The following ESYT2 variants were observed in gnomAD, a reference collection of about 807,000 sequenced individuals.
The protein encoded by ESYT2 is extended synaptotagmin 2.
In ESYT2, 54 loss-of-function variants were observed where a neutral mutation model predicts 107.2. The ratio of observed to expected loss-of-function variants is 0.50; its 90% CI spans 0.40 to 0.63. The LOEUF is 0.63. ESYT2 is among the 30% of genes least tolerant of loss of function. The pLI is 0.00. For synonymous variants in ESYT2, 491 were observed against 434.1 expected (o/e 1.13, Z -1.63); for missense variants, 1,020 against 1,094.5 (o/e 0.93, Z 0.96).
chr7:158,740,990 C>T (rs867157774), intron 18 of ESYT2, among the ~76,000 whole-genome samples: 1 of 152,124 alleles, frequency 6.6e-6, no homozygotes, highest in South Asian at 2.1e-4. Context: ...CTACAGACAA[C>T]TTTTTCCTCC....
intron 16 of ESYT2, among the ~76,000 whole-genome samples, chr7:158,747,120 CG>C (rs1426179863): frequency 6.6e-6 from 1 of 151,958 alleles, no homozygotes; most frequent in Non-Finnish European, 1.5e-5. Flanking sequence ...CCACAGTGGG[CG>C]GATCAGCTGA....
chr7:158,741,663 G>A lies in ESYT2; in HGVS notation c.2028C>T (p.His676=), dbSNP rs368676835. The part of the protein sequence containing the change: ...QPPEAGPQGL[H]DLGRSSSSLL... ...GGCTGGAGGAGCTTCTGCCCAGGTC[G>A]TGCAGCCCCTGAGGGCCGGCCTCAG... The change falls in exon 18 of 23, where the codon CAC becomes CAT. Residue 676 remains histidine (H), a synonymous_variant. Transcript: ENST00000275418. 1.4e-5 allele frequency: 23 copies of A among 1,613,764 alleles called. No individual in the cohort carries two copies. Among genetic ancestry groups the A allele is most frequent in the South Asian group, 2.2e-5 (2 of 91,080 alleles).
chr7:158,798,150 C>A (rs571469827), intron 2 of ESYT2, 74 bp from the exon 3 acceptor site: 2 of 1,525,700 alleles, frequency 1.3e-6, no homozygotes, highest in Admixed American at 1.8e-5. Context: ...TCGTGAGAAA[C>A]CCTCGCAACA....
chr7:158,803,754 C>T lies in ESYT2; in HGVS notation c.331-4682G>A, dbSNP rs111778528. Among the ~76,000 whole-genome samples the T allele has an allele frequency of 4.8e-3, 734 of 151,474 alleles. 5 individuals carry two copies. Among genetic ancestry groups the T allele is most frequent in the African/African-American group, 0.017 (702 of 41,042 alleles). On this transcript the variant is annotated intron_variant, in intron 1 of 22. Coordinates refer to ENST00000275418, the MANE Select transcript of ESYT2 (RefSeq NM_001367773.1). Reference sequence around the variant, plus strand: ...TTGGGGACTGCTGAGAAAGGTGAGGCGCGCGACAAACCCAAACCGCCGAGA... The same window carrying T: ...TTGGGGACTGCTGAGAAAGGTGAGGTGCGCGACAAACCCAAACCGCCGAGA...
At chr7:158,811,435 C>G (rs1328089955) in intron 1 of ESYT2, among the ~76,000 whole-genome samples, 1 of 152,194 alleles carries the variant, frequency 6.6e-6, no homozygotes, top group Non-Finnish European at 1.5e-5. Flanking sequence ...AGGGGCAAAG[C>G]CATTCCATTG....
In ESYT2 at chr7:158,829,278, C is replaced by G. The variant is rs572180768; in HGVS notation, c.141G>C (p.Leu47=). Reference sequence around the variant, plus strand: ...GGTAGCCCAGCGCGTACACGGGCAGCAGCAGCGCGAAGCTCCGCGCCAGCT... The same window carrying G: ...GGTAGCCCAGCGCGTACACGGGCAGGAGCAGCGCGAAGCTCCGCGCCAGCT... ...LAQLARSFAL[L]LPVYALGYLG... The change falls in exon 1 of 23, where the codon CTG becomes CTC. Residue 47 remains leucine, a synonymous_variant. Transcript: ENST00000275418. The G allele has an allele frequency of 6.1e-5, 92 of 1,518,646 alleles. 2 individuals are homozygous for G. In the South Asian group the frequency reaches 1.0e-3, roughly 17 times the overall value. The allele number at this position is 1,518,646 out of a possible 1,614,324, so 94.1% of individuals were successfully genotyped here.
In ESYT2 at chr7:158,788,417, A is replaced by C; in HGVS notation, c.585T>G (p.Ser195Arg). ...AATCAATCTCACAATTTCCTACAAAACTAACAAAAAATTCTGCATTACATG... is the reference window on the plus strand; with the variant it reads ...AATCAATCTCACAATTTCCTACAAACCTAACAAAAAATTCTGCATTACATG... ...KRQIILDLQI[S>R]FVGNCEIDLE... Residue 195 changes from serine to arginine, a missense_variant and splice_region_variant, in exon 5 of 23, where the codon AGT (serine) becomes AGG (arginine). Physicochemically the swap from Ser to Arg is moderately radical, Grantham distance 110. Transcript: ENST00000275418. 2 of 1,609,838 alleles carry C rather than the reference A, an allele frequency of 1.2e-6. No homozygotes were observed. Among genetic ancestry groups the C allele is most frequent in the Non-Finnish European group, 1.7e-6 (2 of 1,178,426 alleles).
chr7:158,808,795 C>A lies in ESYT2; in HGVS notation c.331-9723G>T, dbSNP rs1052887745. Among the ~76,000 whole-genome samples, 17 of 127,412 alleles carry A rather than the reference C, an allele frequency of 1.3e-4. No individual in the cohort carries two copies. The East Asian group carries it at 3.6e-3, about 27-fold the overall frequency. 83.6% of individuals were successfully genotyped at this position (127,412 alleles called of 152,430 possible). On this transcript the variant is annotated intron_variant, in intron 1 of 22. Coordinates refer to ENST00000275418, the MANE Select transcript of ESYT2 (RefSeq NM_001367773.1). ...GACCAGGCTGGCCAACATGCGAAATCCCATCTCTACTAAAAAAAAAAAAAA... is the reference window on the plus strand; with the variant it reads ...GACCAGGCTGGCCAACATGCGAAATACCATCTCTACTAAAAAAAAAAAAAA...
At chr7:158,741,185 G>A (rs761608618) in intron 18 of ESYT2, among the ~76,000 whole-genome samples, 2 of 152,174 alleles carry the variant, frequency 1.3e-5, no homozygotes, top group Non-Finnish European at 2.9e-5. Flanking sequence ...AGCGAGGCCC[G>A]CGGGCCAGCT....
chr7:158,775,597 C>T (rs989905440), intron 6 of ESYT2, among the ~76,000 whole-genome samples: 4 of 152,208 alleles, frequency 2.6e-5, no homozygotes, highest in Non-Finnish European at 5.9e-5. Flanking sequence ...CGTCCTTAAA[C>T]TTTGATCCTG....
intron 6 of ESYT2, among the ~76,000 whole-genome samples, chr7:158,783,803 G>C (rs1474230724): frequency 6.6e-6 from 1 of 152,238 alleles, no homozygotes; most frequent in Non-Finnish European, 1.5e-5. Flanking sequence ...CGACCCCAGG[G>C]AGGACACTTC....
At chr7:158,757,885 C>T (rs1204260539) in intron 13 of ESYT2, among the ~76,000 whole-genome samples, 2 of 152,152 alleles carry the variant, frequency 1.3e-5, no homozygotes, top group South Asian at 2.1e-4. Flanking sequence ...ATTCTCTCTA[C>T]CCTAAAATAG....
At chr7:158,734,287 T>C (rs761009592) in intron 22 of ESYT2, 35 bp from the exon 23 acceptor site, 2 of 1,614,014 alleles carry the variant, frequency 1.2e-6, no homozygotes, top group South Asian at 1.1e-5. Context: ...TGGTGACGGA[T>C]ACAGGACCAA....
intron 1 of ESYT2, among the ~76,000 whole-genome samples, chr7:158,801,475 T>C (rs1386958377): frequency 6.6e-6 from 1 of 152,186 alleles, no homozygotes. Flanking sequence ...AAAATCTGCT[T>C]CTCGCTAATA....
chr7:158,807,254 G>GAAAAAAAAAA (rs372309924), intron 1 of ESYT2, among the ~76,000 whole-genome samples: 1 of 117,230 alleles, frequency 8.5e-6, no homozygotes, highest in Non-Finnish European at 1.7e-5. Flanking sequence ...CCGTCTGAAG[G>GAAAAAAAAAA]AAAAAAAAAA....
intron 1 of ESYT2, among the ~76,000 whole-genome samples, chr7:158,804,262 C>T (rs1453005509): frequency 5.6e-5 from 3 of 53,126 alleles, no homozygotes; most frequent in African/African-American, 9.6e-5. Flanking sequence ...AAACCCAAAC[C>T]GCCGAGAAGG....
Position 158,806,380 on chromosome 7 carries a change from G to A in ESYT2, c.331-7308C>T, listed in dbSNP as rs568969325. Among the ~76,000 whole-genome samples the A allele has an allele frequency of 6.6e-5, 10 of 152,290 alleles. No homozygotes were observed. The South Asian group carries it at 2.1e-3, about 32-fold the overall frequency. ...CCAAGTCTTAAATTCCTAAGAGAAC[G>A]TACCCTGAATTTCATGTTATATCTG... On this transcript the variant is annotated intron_variant, in intron 1 of 22. Coordinates refer to ENST00000275418, the MANE Select transcript of ESYT2 (RefSeq NM_001367773.1).
chr7:158,736,230 C>CG (rs34437478), intron 20 of ESYT2, among the ~76,000 whole-genome samples: 36,042 of 152,102 alleles, frequency 0.24, 5,142 homozygotes, highest in East Asian at 0.59. Flanking sequence ...ACAACCTCAT[C>CG]GGGCTGATGC....
At chr7:158,757,012 C>T (rs149052338) in intron 13 of ESYT2, among the ~76,000 whole-genome samples, 1 of 149,152 alleles carries the variant, frequency 6.7e-6, no homozygotes, top group East Asian at 2.0e-4. Flanking sequence ...AGATGAACCA[C>T]AAGAAAATGA....
Sources: allele counts gnomAD v4.1 joint callset (sites outside exome capture counted in the v4.1 genomes callset), GRCh38; gene constraint gnomAD v4.1.1; transcripts MANE v1.5; gene names NCBI Gene and HGNC (gene_info 2026-07-23, HGNC 2026-07-21).